Variants in CRPPA observed in about 807,000 individuals in gnomAD.
CRPPA encodes the protein CDP-L-ribitol pyrophosphorylase A, also known as D-ribitol-5-phosphate cytidylyltransferase.
CRPPA carries 43 observed loss-of-function variants against 52.0 expected under a neutral mutation model. That is an observed-to-expected ratio of 0.83 (90% CI 0.65 to 1.07). The LOEUF (loss-of-function observed/expected upper bound fraction) is 1.07, where lower values mean the gene tolerates loss of function less well. Ranked by LOEUF, CRPPA falls within the 50% of genes least tolerant of loss-of-function variation. The pLI, the probability that CRPPA is intolerant of heterozygous loss-of-function variation, is 0.00. For synonymous variants in CRPPA, 250 were observed against 203.5 expected, an observed-to-expected ratio of 1.23 and a Z score of -1.94; for missense variants, 629 against 551.7, an observed-to-expected ratio of 1.14 and a Z score of -1.40.
intron 2 of CRPPA, among the ~76,000 whole-genome samples, chr7:16,405,558 G>T (rs924545062): frequency 2.0e-5 from 3 of 152,014 alleles, no homozygotes; most frequent in African/African-American, 7.2e-5. Context: ...ATGCTCCAAA[G>T]ATTACAATAG....
At chr7:16,137,376 T>C (rs1376383921) in intron 9 of CRPPA, among the ~76,000 whole-genome samples, 1 of 152,200 alleles carries the variant, frequency 6.6e-6, no homozygotes, top group East Asian at 1.9e-4. Context: ...TGTATAGCTT[T>C]CAACAGCCCG....
chr7:16,372,588 A>G (rs979414692), intron 3 of CRPPA, among the ~76,000 whole-genome samples: 2 of 152,140 alleles, frequency 1.3e-5, no homozygotes, highest in Admixed American at 6.5e-5. Context: ...TCACAATCGA[A>G]CCTCCTCCAC....
chr7:16,193,770 G>A (rs1414556974), intron 9 of CRPPA, among the ~76,000 whole-genome samples: 2 of 152,050 alleles, frequency 1.3e-5, no homozygotes, highest in East Asian at 1.9e-4. Flanking sequence ...TGCTTTTGCT[G>A]AAGCGGGACA....
chr7:16,387,259 T>C (rs1787312731), intron 2 of CRPPA, among the ~76,000 whole-genome samples: 1 of 151,278 alleles, frequency 6.6e-6, no homozygotes, highest in African/African-American at 2.4e-5. Flanking sequence ...TACATAGATA[T>C]AATATGCACA....
intron 5 of CRPPA, among the ~76,000 whole-genome samples, chr7:16,294,470 CT>C (rs58850265): frequency 0.8 from 121,448 of 151,134 alleles, 49,406 homozygotes; most frequent in African/African-American, 0.93. Context: ...TTCCAATTTA[CT>C]TTTTTTTTTA....
intron 9 of CRPPA, among the ~76,000 whole-genome samples, chr7:16,120,328 A>G (rs746541945): frequency 6.6e-6 from 1 of 152,098 alleles, no homozygotes; most frequent in African/African-American, 2.4e-5. Flanking sequence ...ATCCCCCACC[A>G]TCTTCCAGGT....
chr7:16,291,396 C>T (rs62441880), intron 5 of CRPPA, among the ~76,000 whole-genome samples: 121,738 of 151,926 alleles, frequency 0.8, 49,438 homozygotes, highest in African/African-American at 0.93. Context: ...TGGAATACTA[C>T]TGAGTCATAA....
chr7:16,196,423 T>C (rs564439547), intron 9 of CRPPA, among the ~76,000 whole-genome samples: 2 of 152,330 alleles, frequency 1.3e-5, no homozygotes, highest in Admixed American at 1.3e-4. Flanking sequence ...CTGATTTTCA[T>C]GAATACCTTT....
intron 6 of CRPPA, chr7:16,269,480 G>A (rs887819669): frequency 6.6e-6 from 1 of 152,088 alleles, no homozygotes; most frequent in Non-Finnish European, 1.5e-5. Flanking sequence ...AAAAAACGTC[G>A]GTGTAGACTG....
Position 16,421,352 on chromosome 7 carries a change from G to A in CRPPA, c.-30C>T. 1 of 1,230,956 alleles carries A rather than the reference G, an allele frequency of 8.1e-7. No individual in the cohort carries two copies. The highest frequency in any genetic ancestry group is 1.0e-6 in the Non-Finnish European group (1 of 985,780). The allele number at this position is 1,230,956 out of a possible 1,614,324, so 76.3% of individuals were successfully genotyped here. A position where few individuals can be genotyped will look rare whatever the true frequency, so the allele number is the denominator to read the frequency against. ...GCGGGCGGAACGGCGAGCCCCGCTA[G>A]CCTCGGGCCGATGCGACCCCGCGCT... On this transcript the variant is annotated 5_prime_UTR_variant, in exon 1 of 10. Coordinates refer to ENST00000407010, the MANE Select transcript of CRPPA (RefSeq NM_001101426.4).
chr7:16,236,937 C>T (rs972059999), intron 8 of CRPPA, among the ~76,000 whole-genome samples: 1 of 130,660 alleles, frequency 7.7e-6, no homozygotes, highest in Non-Finnish European at 1.6e-5. Context: ...GCTTTAAGAG[C>T]TTTCGTGCGC....
intron 9 of CRPPA, among the ~76,000 whole-genome samples, chr7:16,111,454 A>C (rs1319152300): frequency 1.3e-5 from 2 of 152,204 alleles, no homozygotes; most frequent in Non-Finnish European, 2.9e-5. Context: ...AGTTTTTCAA[A>C]GAGATGTCTG....
intron 2 of CRPPA, among the ~76,000 whole-genome samples, chr7:16,386,136 C>T (rs1457614302): frequency 2.6e-5 from 4 of 151,264 alleles, no homozygotes; most frequent in Admixed American, 6.6e-5. Flanking sequence ...GAGGTGGTCT[C>T]GGTAGGATGG....
chr7:16,111,104 TA>T (rs1472336942), intron 9 of CRPPA, among the ~76,000 whole-genome samples: 1 of 150,926 alleles, frequency 6.6e-6, no homozygotes, highest in African/African-American at 2.4e-5. Flanking sequence ...AAAAAAAAAT[TA>T]AAAACGGCAA....
chr7:16,256,013 A>G (rs1265233142), intron 8 of CRPPA, among the ~76,000 whole-genome samples: 3 of 152,238 alleles, frequency 2.0e-5, no homozygotes, highest in Admixed American at 6.5e-5. Context: ...GGCAACCTAC[A>G]GTATGGGAGA....
At chr7:16,304,470 G>A (rs536148041) in intron 4 of CRPPA, among the ~76,000 whole-genome samples, 83 of 151,980 alleles carry the variant, frequency 5.5e-4, no homozygotes, top group Admixed American at 2.8e-3. Flanking sequence ...GTGACACCCC[G>A]TCTCTACTAA....
At chr7:16,118,584 T>A (rs1478822179) in intron 9 of CRPPA, among the ~76,000 whole-genome samples, 3 of 152,154 alleles carry the variant, frequency 2.0e-5, no homozygotes, top group Non-Finnish European at 4.4e-5. Context: ...ACAAGTGAGA[T>A]AATCTGTGAA....
rs767455446 is a variant in CRPPA at position 16,258,931 on chromosome 7, C to T, written c.1015G>A (p.Val339Ile). The change falls in exon 7 of 10, where the codon GTT becomes ATT. Residue 339 changes from valine to isoleucine, a missense_variant. Val to Ile is a conservative substitution (Grantham distance 29). Coordinates refer to ENST00000407010, the MANE Select transcript of CRPPA (RefSeq NM_001101426.4). ...TTGAATTGACTTACATTCACACAAA[C>T]AAAATTGTAGCATTGATCTAAGATG... is the stretch of plus-strand genomic sequence containing the variant. The part of the protein sequence containing the change: ...QIILDQCYNF[V>I]CVNVTTSDFQ... 3 of 1,607,738 alleles carry T rather than the reference C, an allele frequency of 1.9e-6. No homozygotes were observed. The highest frequency in any genetic ancestry group is 2.5e-6 in the Non-Finnish European group (3 of 1,176,568).
intron 5 of CRPPA, among the ~76,000 whole-genome samples, chr7:16,289,739 A>T (rs1784521644): frequency 6.6e-6 from 1 of 152,188 alleles, no homozygotes; most frequent in South Asian, 2.1e-4. Flanking sequence ...AATGGAGAAA[A>T]GCTGAAAGCC....
Sources: gnomAD v4.1 joint callset for allele counts (sites outside exome capture counted in the v4.1 genomes callset) on GRCh38, gnomAD v4.1.1 for gene constraint, MANE v1.5 for transcripts, NCBI Gene and HGNC (gene_info 2026-07-23, HGNC 2026-07-21) for gene names.